ATXN2: variants seen among roughly 807,000 people sequenced by gnomAD.
The protein encoded by ATXN2 is ataxin-2.
ATXN2 carries 37 observed loss-of-function variants against 138.6 expected under a neutral mutation model. That is an observed-to-expected ratio of 0.27 (90% CI 0.21 to 0.35). The LOEUF is 0.35. ATXN2 is among the 10% of genes least tolerant of loss of function. The pLI, the probability that ATXN2 is intolerant of heterozygous loss-of-function variation, is 1.00. For synonymous variants in ATXN2, 549 were observed against 543.7 expected (o/e 1.01, Z -0.13); for missense variants, 1,216 against 1,480.3 (o/e 0.82, Z 2.93).
At chr12:111,462,975 T>TAC (rs778035022) in intron 21 of ATXN2, among the ~76,000 whole-genome samples, 23,233 of 145,410 alleles carry the variant, frequency 0.16, 1,802 homozygotes, top group Middle Eastern at 0.26. Context: ...TATATATATA[T>TAC]ATACACACAC....
intron 1 of ATXN2, among the ~76,000 whole-genome samples, chr12:111,556,813 C>G (rs1217517415): frequency 1.4e-5 from 2 of 139,128 alleles, no homozygotes; most frequent in Non-Finnish European, 3.1e-5. Context: ...AAGACTCTGT[C>G]TCAAAAAAAA....
intron 14 of ATXN2, among the ~76,000 whole-genome samples, chr12:111,506,567 T>C (rs1482876547): frequency 6.6e-6 from 1 of 152,016 alleles, no homozygotes; most frequent in Non-Finnish European, 1.5e-5. Context: ...AAAAAAATAA[T>C]GCTGAGGAAA....
intron 11 of ATXN2, chr12:111,512,482 T>C (rs1302610990): frequency 7.2e-6 from 1 of 139,682 alleles, no homozygotes; most frequent in Non-Finnish European, 1.5e-5. Flanking sequence ...TGAGACAGAG[T>C]CTTGCTCTGT....
At chr12:111,540,244 G>A (rs1221814741) in intron 5 of ATXN2, among the ~76,000 whole-genome samples, 1 of 150,018 alleles carries the variant, frequency 6.7e-6, no homozygotes, top group Non-Finnish European at 1.5e-5. Flanking sequence ...TCCAAGACAA[G>A]AGAAAAAAAT....
intron 14 of ATXN2, among the ~76,000 whole-genome samples, chr12:111,508,269 C>A (rs1030690479): frequency 1.4e-5 from 2 of 146,886 alleles, no homozygotes; most frequent in South Asian, 2.1e-4. Context: ...GAAAAGAAAC[C>A]CTTCCTTTTG....
At chr12:111,507,980 T>C (rs617678) in intron 14 of ATXN2, among the ~76,000 whole-genome samples, 30,872 of 151,956 alleles carry the variant, frequency 0.2, 3,245 homozygotes, top group East Asian at 0.33. Context: ...TTAAGAGTCA[T>C]CACCACTCCC....
chr12:111,535,382 T>C (rs1416025120), intron 5 of ATXN2, among the ~76,000 whole-genome samples: 1 of 151,994 alleles, frequency 6.6e-6, no homozygotes. Flanking sequence ...CCCAGCAATT[T>C]GGGAGCCCAA....
At chr12:111,561,005 C>G (rs1220424128) in intron 1 of ATXN2, among the ~76,000 whole-genome samples, 1 of 150,602 alleles carries the variant, frequency 6.6e-6, no homozygotes, top group Non-Finnish European at 1.5e-5. Flanking sequence ...CGGGCTGAAA[C>G]CCCATCTCTA....
intron 5 of ATXN2, among the ~76,000 whole-genome samples, chr12:111,526,848 A>G (rs910313464): frequency 6.6e-6 from 1 of 152,206 alleles, no homozygotes; most frequent in African/African-American, 2.4e-5. Context: ...TCTTGCCATT[A>G]GTAAATGAAG....
At chr12:111,531,322 CGAATTGCTTGAACCTT>C (rs796938179) in intron 5 of ATXN2, among the ~76,000 whole-genome samples, 35 of 151,962 alleles carry the variant, frequency 2.3e-4, no homozygotes, top group Non-Finnish European at 3.7e-4. Context: ...CTGAGGCAGG[CGAATTGCTTGAACCTT>C]GAATTGCTTG....
In ATXN2 at chr12:111,456,265, C is replaced by A. The variant is rs372160721; in HGVS notation, c.3043-9G>T. 3 of 1,613,742 alleles carry A rather than the reference C, an allele frequency of 1.9e-6. No individual in the cohort carries two copies. Among genetic ancestry groups the A allele is most frequent in the South Asian group, 2.2e-5 (2 of 91,080 alleles). On this transcript the variant is annotated splice_polypyrimidine_tract_variant and intron_variant, in intron 22 of 24. Coordinates refer to ENST00000673436, the MANE Select transcript of ATXN2 (RefSeq NM_001372574.1). The stretch of plus-strand genomic sequence containing the variant: ...GCCTGGTGCTGATGGTGCTGCAAAG[C>A]GACAGGAAAGAATTGAGAGGAAAAC...
intron 5 of ATXN2, among the ~76,000 whole-genome samples, chr12:111,545,784 C>T (rs1881769476): frequency 6.6e-6 from 1 of 151,722 alleles, no homozygotes; most frequent in African/African-American, 2.4e-5. Flanking sequence ...ACAGGGAAAC[C>T]CCATCTCTAC....
chr12:111,561,747 T>C (rs554148246), intron 1 of ATXN2, among the ~76,000 whole-genome samples: 5 of 151,674 alleles, frequency 3.3e-5, no homozygotes, highest in Non-Finnish European at 5.9e-5. Context: ...GGCACAAGAA[T>C]TGCTTGAACT....
At chr12:111,520,476 C>A (rs1880095633) in intron 7 of ATXN2, among the ~76,000 whole-genome samples, 1 of 152,050 alleles carries the variant, frequency 6.6e-6, no homozygotes, top group Non-Finnish European at 1.5e-5. Context: ...CATGGTGAAA[C>A]CCCGTCTCTA....
At position 111,541,799 on chromosome 12, in the gene ATXN2, A is replaced by AT. The variant is rs1566053486; in HGVS notation, c.571+10480_571+10481insA. 1.0e-3 allele frequency among the ~76,000 whole-genome samples: 153 copies of AT among 147,238 alleles called. 4 individuals are homozygous for AT. The highest frequency in any genetic ancestry group is 3.5e-3 in the African/African-American group (143 of 40,624). ...CGGATATATATATATATATTATAAA[A>AT]ATTTTTTTTTTTTTGAGATGGAGTC... On this transcript the variant is annotated intron_variant, in intron 5 of 24. Coordinates refer to ENST00000673436, the MANE Select transcript of ATXN2 (RefSeq NM_001372574.1).
intron 23 of ATXN2, chr12:111,454,353 T>C (rs1000471445): frequency 6.5e-6 from 1 of 153,012 alleles, no homozygotes; most frequent in Non-Finnish European, 1.5e-5. Flanking sequence ...TCTGTTCATT[T>C]GCCTCTCTCC....
At chr12:111,572,293 T>C (rs1174633649) in intron 1 of ATXN2, among the ~76,000 whole-genome samples, 1 of 150,532 alleles carries the variant, frequency 6.6e-6, no homozygotes, top group East Asian at 2.0e-4. Context: ...CCCAGCTACT[T>C]GAGAGGCTGA....
intron 1 of ATXN2, chr12:111,597,983 G>A (rs1181605799): frequency 1.6e-6 from 2 of 1,213,918 alleles, no homozygotes; most frequent in Non-Finnish European, 2.1e-6. Context: ...CCACCCGCGC[G>A]CCGGAGAGGT....
At chr12:111,488,876 T>G (rs1417085023) in intron 14 of ATXN2, 96 bp from the exon 15 acceptor site, 1 of 1,017,436 alleles carries the variant, frequency 9.8e-7, no homozygotes, top group Non-Finnish European at 1.4e-6. Flanking sequence ...ACTATACGCA[T>G]GAAATGTTCT....
Sources: allele counts gnomAD v4.1 joint callset (sites outside exome capture counted in the v4.1 genomes callset), GRCh38; gene constraint gnomAD v4.1.1; transcripts MANE v1.5; gene names NCBI Gene and HGNC (gene_info 2026-07-23, HGNC 2026-07-21).